MBD5: variants seen among roughly 807,000 people sequenced by gnomAD.
The protein encoded by MBD5 is methyl-CpG-binding domain protein 5.
MBD5 carries 13 observed loss-of-function variants against 117.3 expected under a neutral mutation model. The observed-to-expected ratio is 0.11, with a 90% CI of 0.07 to 0.18. MBD5 has a LOEUF of 0.18. Among genes scored for constraint, MBD5 ranks in the 10% least tolerant of loss-of-function variants. MBD5 has a pLI of 1.00. For synonymous variants in MBD5, 727 were observed against 766.4 expected (o/e 0.95, Z 0.85); for missense variants, 1,879 against 2,093.8 (o/e 0.90, Z 2.00).
chr2:148,430,667 G>T (rs895088961), intron 4 of MBD5, among the ~76,000 whole-genome samples: 3 of 151,906 alleles, frequency 2.0e-5, no homozygotes, highest in Admixed American at 6.6e-5. Flanking sequence ...TATTTTCAGA[G>T]ATTTTATATC....
intron 2 of MBD5, among the ~76,000 whole-genome samples, chr2:148,210,995 C>T (rs1699409697): frequency 6.6e-6 from 1 of 152,008 alleles, no homozygotes; most frequent in Admixed American, 6.5e-5. Context: ...TCTCCTTATC[C>T]ATTGCTAACT....
intron 4 of MBD5, among the ~76,000 whole-genome samples, chr2:148,368,461 T>C (rs983134816): frequency 6.6e-6 from 1 of 151,898 alleles, no homozygotes; most frequent in Admixed American, 6.6e-5. Flanking sequence ...GTATCCCAAC[T>C]TAAAGTATTA....
At chr2:148,235,195 G>A (rs1428290984) in intron 3 of MBD5, among the ~76,000 whole-genome samples, 1 of 151,950 alleles carries the variant, frequency 6.6e-6, no homozygotes, top group Non-Finnish European at 1.5e-5. Context: ...TTTTATTGTT[G>A]TCATGTTATT....
At chr2:148,440,428 A>G (rs1020479414) in intron 4 of MBD5, among the ~76,000 whole-genome samples, 1 of 152,196 alleles carries the variant, frequency 6.6e-6, no homozygotes, top group African/African-American at 2.4e-5. Flanking sequence ...TGTGCTGAAA[A>G]TAAAATAAGA....
chr2:148,354,440 T>A (rs1031471266), intron 4 of MBD5, among the ~76,000 whole-genome samples: 15 of 152,226 alleles, frequency 9.9e-5, no homozygotes, highest in African/African-American at 2.4e-5. Context: ...GCAAAGGACA[T>A]GAACTCATCA....
At chr2:148,201,367 A>C (rs1699136592) in intron 2 of MBD5, among the ~76,000 whole-genome samples, 1 of 152,196 alleles carries the variant, frequency 6.6e-6, no homozygotes, top group Admixed American at 6.5e-5. Flanking sequence ...GGGACACCCA[A>C]GCAGGGGTAC....
chr2:148,162,552 ATC>A (rs1698032060), intron 1 of MBD5, among the ~76,000 whole-genome samples: 2 of 148,554 alleles, frequency 1.3e-5, no homozygotes, highest in Admixed American at 6.6e-5. Context: ...TTAGGATGAC[ATC>A]TCTTTTCTTT....
chr2:148,443,194 A>G (rs1706380555), intron 4 of MBD5, among the ~76,000 whole-genome samples: 1 of 151,430 alleles, frequency 6.6e-6, no homozygotes, highest in Non-Finnish European at 1.5e-5. Context: ...CTACAGTGAG[A>G]TACTGTCTCA....
chr2:148,084,360 GTATTA>G (rs1203070324), intron 1 of MBD5, among the ~76,000 whole-genome samples: 1 of 152,168 alleles, frequency 6.6e-6, no homozygotes, highest in Non-Finnish European at 1.5e-5. Context: ...AAAAGGTATT[GTATTA>G]TGATTGACAA....
At position 148,309,276 on chromosome 2, in the gene MBD5, C is replaced by T. The variant is rs542289439; in HGVS notation, c.-679-32938C>T. On this transcript the variant is annotated intron_variant, in intron 3 of 13. Coordinates refer to ENST00000642680, the MANE Select transcript of MBD5 (RefSeq NM_001378120.1). ...GCCATTTTCACGATATTGATTCTTC[C>T]TATCCATGAACGTGGAATGCTTTTC... Among the ~76,000 whole-genome samples, 7 of 152,266 alleles carry T rather than the reference C, an allele frequency of 4.6e-5. No individual in the cohort carries two copies. In the South Asian group the frequency reaches 1.5e-3, roughly 32 times the overall value.
intron 3 of MBD5, among the ~76,000 whole-genome samples, chr2:148,271,849 T>A (rs1208817053): frequency 6.6e-6 from 1 of 152,216 alleles, no homozygotes; most frequent in East Asian, 1.9e-4. Flanking sequence ...TACATTTGTA[T>A]TAACCACAGT....
chr2:148,394,545 G>GTTTTTTTTTT (rs71856376), intron 4 of MBD5, among the ~76,000 whole-genome samples: 7 of 121,856 alleles, frequency 5.7e-5, no homozygotes, highest in South Asian at 2.8e-4. Context: ...CTGTACTTTG[G>GTTTTTTTTTT]TTTTTTTTTT....
intron 4 of MBD5, among the ~76,000 whole-genome samples, chr2:148,403,290 G>C (rs887211677): frequency 2.0e-5 from 3 of 151,316 alleles, no homozygotes; most frequent in African/African-American, 7.3e-5. Flanking sequence ...AGCGATTCTT[G>C]TGCCTCAGCC....
chr2:148,203,495 T>C (rs1368294741), intron 2 of MBD5, among the ~76,000 whole-genome samples: 2 of 152,216 alleles, frequency 1.3e-5, no homozygotes, highest in Non-Finnish European at 2.9e-5. Flanking sequence ...TCTTTGTTAT[T>C]ACTACTGTTC....
chr2:148,087,761 A>G (rs1193877387), intron 1 of MBD5, among the ~76,000 whole-genome samples: 2 of 152,138 alleles, frequency 1.3e-5, no homozygotes, highest in East Asian at 3.9e-4. Flanking sequence ...GTCTACCCAA[A>G]TGAGAAGGAA....
At chr2:148,429,577 C>A (rs140860108) in intron 4 of MBD5, among the ~76,000 whole-genome samples, 7,290 of 152,078 alleles carry the variant, frequency 0.048, 315 homozygotes, top group Admixed American at 0.096. Context: ...GTCACAATAG[C>A]AAAGACTTGG....
At chr2:148,088,477 A>G (rs1460870320) in intron 1 of MBD5, among the ~76,000 whole-genome samples, 4 of 152,200 alleles carry the variant, frequency 2.6e-5, no homozygotes, top group African/African-American at 7.2e-5. Context: ...CAGGTAACCT[A>G]TAAATGAAAA....
At chr2:148,085,190 G>T (rs1440290660) in intron 1 of MBD5, among the ~76,000 whole-genome samples, 1 of 152,158 alleles carries the variant, frequency 6.6e-6, no homozygotes, top group Admixed American at 6.5e-5. Flanking sequence ...AAGGAATGGT[G>T]GGTTTTGTTG....
intron 4 of MBD5, among the ~76,000 whole-genome samples, chr2:148,422,800 A>G (rs1404588011): frequency 6.6e-6 from 1 of 152,198 alleles, no homozygotes; most frequent in Non-Finnish European, 1.5e-5. Context: ...ACAAGTATCA[A>G]TAGCCAAAAT....
Sources: gnomAD v4.1 joint callset for allele counts (sites outside exome capture counted in the v4.1 genomes callset) on GRCh38, gnomAD v4.1.1 for gene constraint, MANE v1.5 for transcripts, NCBI Gene and HGNC (gene_info 2026-07-23, HGNC 2026-07-21) for gene names.